ST14: variants seen among roughly 807,000 people sequenced by gnomAD.
The protein encoded by ST14 is suppressor of tumorigenicity 14 protein.
A neutral mutation model predicts 96.5 loss-of-function variants in ST14; 40 were observed. The observed-to-expected ratio is 0.41, with a 90% CI of 0.32 to 0.54. The LOEUF is 0.54. ST14 is among the 20% of genes least tolerant of loss of function. The pLI is 0.17. For synonymous variants in ST14, 506 were observed against 492.1 expected, an observed-to-expected ratio of 1.03 and a Z score of -0.37; for missense variants, 1,066 against 1,188.9, an observed-to-expected ratio of 0.90 and a Z score of 1.52.
chr11:130,204,050 C>T (rs866320115), intron 16 of ST14, among the ~76,000 whole-genome samples: 2 of 152,202 alleles, frequency 1.3e-5, no homozygotes, highest in African/African-American at 4.8e-5. Context: ...TAACTCACTT[C>T]GTTTCCGGAC....
chr11:130,203,716 G>A (rs544374260), intron 16 of ST14, among the ~76,000 whole-genome samples: 61 of 152,166 alleles, frequency 4.0e-4, no homozygotes, highest in African/African-American at 1.4e-3. Context: ...GCAATGGCGC[G>A]ATCTCAGCTC....
At position 130,209,785 on chromosome 11, in the gene ST14, C is replaced by G. The variant is rs1177182111; in HGVS notation, c.2530C>G (p.Leu844Val). 6.2e-7 allele frequency: 1 copy of G among 1,614,114 alleles called. No individual in the cohort carries two copies. Among genetic ancestry groups the G allele is most frequent in the South Asian group, 1.1e-5 (1 of 91,086 alleles). The change falls in exon 19 of 19, where the codon CTG (leucine) becomes GTG (valine). Residue 844 changes from leucine to valine, a missense_variant. Transcript: ENST00000278742. ...NKPGVYTRLP[L>V]FRDWIKENTG... ...GCCAGGCGTGTACACAAGGCTCCCT[C>G]TGTTTCGGGACTGGATCAAAGAGAA...
At chr11:130,203,626 T>A (rs1029711075) in intron 16 of ST14, among the ~76,000 whole-genome samples, 1 of 152,234 alleles carries the variant, frequency 6.6e-6, no homozygotes, top group Admixed American at 6.5e-5. Flanking sequence ...ATGCTCAGTG[T>A]GAGGGTTTCC....
At chr11:130,164,375 C>T (rs1021640877) in intron 1 of ST14, among the ~76,000 whole-genome samples, 2 of 151,306 alleles carry the variant, frequency 1.3e-5, no homozygotes, top group Admixed American at 6.6e-5. Flanking sequence ...TCTTACTAGT[C>T]TTTGAGACCA....
At position 130,188,330 on chromosome 11, in the gene ST14, C is replaced by T; in HGVS notation, c.241+57C>T. 6.3e-7 allele frequency: 1 copy of T among 1,591,752 alleles called. No individual in the cohort carries two copies. The highest frequency in any genetic ancestry group is 1.2e-5 in the South Asian group (1 of 86,892). On this transcript the variant is annotated intron_variant, in intron 2 of 18. Transcript: ENST00000278742. This position sits in a 1 kb window ranked among gnomAD's most constrained non-coding sequence, Gnocchi z 5.4. Reference sequence around the variant, plus strand: ...ACGACAAGGGGTGGCTGTCCCTCTTCCCTCAGCGGACAGACCCAGGGCCAC... The same window carrying T: ...ACGACAAGGGGTGGCTGTCCCTCTTTCCTCAGCGGACAGACCCAGGGCCAC...
chr11:130,191,689 C>CAAA (rs4054265), intron 7 of ST14, among the ~76,000 whole-genome samples: 13 of 108,998 alleles, frequency 1.2e-4, no homozygotes, highest in African/African-American at 3.3e-4. Context: ...GACTCTGTCT[C>CAAA]AAAAAAAAAA....
chr11:130,182,824 T>TA (rs1565621575), intron 1 of ST14, among the ~76,000 whole-genome samples: 2 of 151,078 alleles, frequency 1.3e-5, no homozygotes, highest in East Asian at 3.9e-4. Context: ...TAATTTTTTA[T>TA]GTTTTTTGTA....
intron 16 of ST14, among the ~76,000 whole-genome samples, chr11:130,204,728 C>T (rs937729299): frequency 5.4e-4 from 82 of 152,224 alleles, no homozygotes; most frequent in African/African-American, 1.8e-3. Flanking sequence ...GTGGGAGGAT[C>T]GCTTGAGTCT....
At position 130,187,787 on chromosome 11, in the gene ST14, G is replaced by A. The variant is rs1040397807; in HGVS notation, c.82-327G>A. Among the ~76,000 whole-genome samples, 3 of 152,186 alleles carry A rather than the reference G, an allele frequency of 2.0e-5. No homozygotes were observed. Among genetic ancestry groups the A allele is most frequent in the African/African-American group, 7.2e-5 (3 of 41,432 alleles). Reference sequence around the variant, plus strand: ...AGGTGATTCACTGAAGGGGAGACCTGGATGACCGGGTTCGACAGCCCTTCA... The same window carrying A: ...AGGTGATTCACTGAAGGGGAGACCTAGATGACCGGGTTCGACAGCCCTTCA... On this transcript the variant is annotated intron_variant, in intron 1 of 18. Transcript: ENST00000278742. This position sits in a 1 kb window ranked among gnomAD's most constrained non-coding sequence, Gnocchi z 4.5.
chr11:130,207,950 A>T lies in ST14; in HGVS notation c.1995-460A>T, dbSNP rs539967117. Reference sequence around the variant, plus strand: ...GCTGGGTGTGGTGGTGTGCACTTGTAATCCCAGCTACTCAAGAGGCTGAGG... The same window carrying T: ...GCTGGGTGTGGTGGTGTGCACTTGTTATCCCAGCTACTCAAGAGGCTGAGG... On this transcript the variant is annotated intron_variant, in intron 16 of 18. Coordinates refer to ENST00000278742, the MANE Select transcript of ST14 (RefSeq NM_021978.4). Among the ~76,000 whole-genome samples the T allele has an allele frequency of 1.4e-4, 22 of 152,228 alleles. 1 individual carries two copies. The South Asian group carries it at 3.7e-3, about 26-fold the overall frequency.
At position 130,189,751 on chromosome 11, in the gene ST14, C is replaced by T. The variant is rs1953275000; in HGVS notation, c.453C>T (p.Val151=). The T allele has an allele frequency of 1.2e-6, 2 of 1,612,788 alleles. No homozygotes were observed. Among genetic ancestry groups the T allele is most frequent in the African/African-American group, 1.3e-5 (1 of 74,950 alleles). Residue 151 remains valine, a synonymous_variant, in exon 5 of 19, where the codon GTC becomes GTT. Coordinates refer to ENST00000278742, the MANE Select transcript of ST14 (RefSeq NM_021978.4). ...SAVTAFSEGS[V]IAYYWSEFSI... ...GCTCTCTCCCCAGCGAGGGCAGCGT[C>T]ATCGCCTACTACTGGTCTGAGTTCA...
chr11:130,209,392 G>C, intron 17 of ST14, 50 bp from the exon 18 acceptor site: 1 of 1,554,536 alleles, frequency 6.4e-7, no homozygotes, highest in Non-Finnish European at 8.7e-7. Flanking sequence ...CTCGAATGAC[G>C]CTGCCCTCGA....
chr11:130,206,479 C>T (rs1376481923), intron 16 of ST14, among the ~76,000 whole-genome samples: 1 of 152,176 alleles, frequency 6.6e-6, no homozygotes, highest in African/African-American at 2.4e-5. Context: ...ATTATTGTGG[C>T]AGGCGCGAAT....
chr11:130,177,596 C>A (rs1366875381), intron 1 of ST14, among the ~76,000 whole-genome samples: 4 of 152,140 alleles, frequency 2.6e-5, no homozygotes, highest in Non-Finnish European at 5.9e-5. Flanking sequence ...TTGCCAACTG[C>A]CATCTCCTAA....
chr11:130,190,370 C>CT, intron 6 of ST14, 84 bp from the exon 7 acceptor site: 2 of 1,589,552 alleles, frequency 1.3e-6, no homozygotes. Context: ...GGCCTGAGGT[C>CT]CACACCCACG....
chr11:130,178,873 A>C (rs1953165219), intron 1 of ST14, among the ~76,000 whole-genome samples: 1 of 152,198 alleles, frequency 6.6e-6, no homozygotes, highest in Non-Finnish European at 1.5e-5. Context: ...CTGGGTCTGC[A>C]GCTGGCCCTG....
intron 11 of ST14, 140 bp from the exon 12 acceptor site, chr11:130,197,701 G>A: frequency 1.5e-6 from 1 of 687,226 alleles, no homozygotes; most frequent in African/African-American, 1.8e-5. Context: ...GGTGGGCCTG[G>A]GTAACCCCTG....
chr11:130,203,313 G>T (rs926711446), intron 16 of ST14, among the ~76,000 whole-genome samples: 1 of 152,176 alleles, frequency 6.6e-6, no homozygotes, highest in African/African-American at 2.4e-5. Flanking sequence ...CCTCCTGGGT[G>T]TTCCTGAAAC....
chr11:130,176,168 T>G (rs1343088911), intron 1 of ST14, among the ~76,000 whole-genome samples: 1 of 152,170 alleles, frequency 6.6e-6, no homozygotes, highest in African/African-American at 2.4e-5. Flanking sequence ...AACTCTGCTG[T>G]GGTGTAGTCT....
Sources: gnomAD v4.1 joint callset for allele counts (sites outside exome capture counted in the v4.1 genomes callset) on GRCh38, gnomAD v4.1.1 for gene constraint, Gnocchi (gnomAD v3.1) non-coding constraint, MANE v1.5 for transcripts, NCBI Gene and HGNC (gene_info 2026-07-23, HGNC 2026-07-21) for gene names.